Variants in CPEB3 observed in about 807,000 individuals in gnomAD.
The protein encoded by CPEB3 is cytoplasmic polyadenylation element-binding protein 3.
Under a neutral mutation model 67.2 loss-of-function variants are expected in CPEB3, and 20 were observed. The observed-to-expected ratio is 0.30, with a 90% CI of 0.21 to 0.43. The LOEUF is 0.43. CPEB3 is among the 20% of genes least tolerant of loss of function. CPEB3 has a pLI of 1.00. For synonymous variants in CPEB3, 376 were observed against 393.1 expected (o/e 0.96, Z 0.51); for missense variants, 746 against 968.6 (o/e 0.77, Z 3.05).
intron 9 of CPEB3, among the ~76,000 whole-genome samples, chr10:92,068,901 C>T (rs2134374656): frequency 6.6e-6 from 1 of 152,314 alleles, no homozygotes; most frequent in Non-Finnish European, 1.5e-5. Context: ...TCAGATGATA[C>T]TTGAACTCAC....
chr10:92,068,532 G>A (rs1842639407), intron 9 of CPEB3, among the ~76,000 whole-genome samples: 1 of 152,096 alleles, frequency 6.6e-6, no homozygotes, highest in Non-Finnish European at 1.5e-5. Flanking sequence ...TTCTAGAGTT[G>A]AATCTGAATG....
intron 6 of CPEB3, chr10:92,137,481 T>G: frequency 8.4e-7 from 1 of 1,193,598 alleles, no homozygotes; most frequent in Non-Finnish European, 1.2e-6. Context: ...CCCAGGTGGT[T>G]TTGCTATCAG....
chr10:92,264,239 A>G (rs1465772500), intron 1 of CPEB3, among the ~76,000 whole-genome samples: 2 of 151,976 alleles, frequency 1.3e-5, no homozygotes, highest in Admixed American at 1.3e-4. Flanking sequence ...GAGGTGGGAG[A>G]ATCACTTGAA....
At chr10:92,262,512 T>C (rs1330993218) in intron 1 of CPEB3, among the ~76,000 whole-genome samples, 2 of 152,102 alleles carry the variant, frequency 1.3e-5, no homozygotes, top group South Asian at 2.1e-4. Context: ...TGTTGGCAAG[T>C]AGAGAAGCCA....
Position 92,240,165 on chromosome 10 carries a change from G to A in CPEB3, c.186C>T (p.Pro62=), listed in dbSNP as rs971868850. 2.6e-6 allele frequency: 4 copies of A among 1,547,364 alleles called. No individual in the cohort carries two copies. Among genetic ancestry groups the A allele is most frequent in the Non-Finnish European group, 3.5e-6 (4 of 1,144,810 alleles). Residue 62 remains proline (P), a synonymous_variant, in exon 2 of 10, where the codon CCC becomes CCT. Transcript: ENST00000265997. ...AVPALSPAAA[P]PAPNGPDKMQ... is the part of the protein sequence containing the mutation. The stretch of plus-strand genomic sequence containing the variant: ...TCTTGTCCGGGCCGTTGGGGGCCGG[G>A]GGGGCAGCGGCTGGGCTGAGGGCCG...
At chr10:92,214,708 A>T (rs2134372542) in intron 2 of CPEB3, among the ~76,000 whole-genome samples, 1 of 151,628 alleles carries the variant, frequency 6.6e-6, no homozygotes, top group East Asian at 1.9e-4. Flanking sequence ...CTGGTCTCAA[A>T]CTCCTGACCT....
At chr10:92,227,672 G>A (rs1235667370) in intron 2 of CPEB3, among the ~76,000 whole-genome samples, 97 of 148,622 alleles carry the variant, frequency 6.5e-4, no homozygotes, top group Admixed American at 1.6e-3. Context: ...CTCACTGCAG[G>A]CTCCGCCCCC....
At chr10:92,126,718 CAA>C (rs1564801113) in intron 6 of CPEB3, among the ~76,000 whole-genome samples, 1 of 152,126 alleles carries the variant, frequency 6.6e-6, no homozygotes. Context: ...AGGAGCAAAA[CAA>C]ATAAAAATAA....
chr10:92,155,830 T>C (rs939118831), intron 4 of CPEB3, among the ~76,000 whole-genome samples: 4 of 151,996 alleles, frequency 2.6e-5, no homozygotes, highest in Admixed American at 6.6e-5. Context: ...ACCTCACAAA[T>C]AGATATGGAG....
chr10:92,143,641 G>A (rs940225981), intron 5 of CPEB3, among the ~76,000 whole-genome samples: 1 of 151,976 alleles, frequency 6.6e-6, no homozygotes, highest in Non-Finnish European at 1.5e-5. Flanking sequence ...TACATATTAC[G>A]TACCCTATAT....
intron 1 of CPEB3, among the ~76,000 whole-genome samples, chr10:92,265,685 G>T (rs959875783): frequency 6.6e-6 from 1 of 151,264 alleles, no homozygotes; most frequent in Non-Finnish European, 1.5e-5. Flanking sequence ...GGAGGCAGAA[G>T]GTGTAGTTAG....
intron 1 of CPEB3, among the ~76,000 whole-genome samples, chr10:92,255,230 C>T (rs541561878): frequency 1.8e-4 from 28 of 152,116 alleles, no homozygotes; most frequent in Non-Finnish European, 3.8e-4. Flanking sequence ...TGAGACCTAG[C>T]TCATTAATTT....
intron 2 of CPEB3, among the ~76,000 whole-genome samples, chr10:92,225,336 G>A (rs1460301694): frequency 6.6e-6 from 1 of 152,096 alleles, no homozygotes; most frequent in Non-Finnish European, 1.5e-5. Flanking sequence ...AAAGTATTAT[G>A]ATGCCCAACG....
intron 9 of CPEB3, among the ~76,000 whole-genome samples, chr10:92,058,552 A>AATACATACATAC (rs58987766): frequency 1.4e-3 from 191 of 138,686 alleles, no homozygotes; most frequent in African/African-American, 3.8e-3. Context: ...CCATCTCAAA[A>AATACATACATAC]ATACATACAT....
chr10:92,057,625 GT>G (rs1441804849), intron 9 of CPEB3, among the ~76,000 whole-genome samples: 1 of 152,234 alleles, frequency 6.6e-6, no homozygotes, highest in African/African-American at 2.4e-5. Context: ...CCAGGGCGTG[GT>G]TATGGCAGGT....
chr10:92,205,982 G>A (rs1322497817), intron 2 of CPEB3, among the ~76,000 whole-genome samples: 19 of 151,702 alleles, frequency 1.3e-4, no homozygotes, highest in Admixed American at 1.3e-3. Context: ...GTATTTAGAA[G>A]GTTAAAAAAT....
intron 5 of CPEB3, among the ~76,000 whole-genome samples, chr10:92,144,365 G>A (rs1482361255): frequency 1.3e-5 from 2 of 152,020 alleles, no homozygotes; most frequent in Non-Finnish European, 2.9e-5. Context: ...TCAAACTCCT[G>A]GGCTCAAGTG....
intron 4 of CPEB3, among the ~76,000 whole-genome samples, chr10:92,153,749 C>G (rs1364375283): frequency 1.3e-5 from 2 of 152,134 alleles, no homozygotes; most frequent in African/African-American, 4.8e-5. Flanking sequence ...CCACTGCACT[C>G]AAGCCTGGGC....
At chr10:92,087,554 G>A (rs1046970662) in intron 8 of CPEB3, among the ~76,000 whole-genome samples, 1 of 152,140 alleles carries the variant, frequency 6.6e-6, no homozygotes, top group African/African-American at 2.4e-5. Context: ...GGAATGAATG[G>A]ATCCAAAAGC....
Sources: allele counts gnomAD v4.1 joint callset (sites outside exome capture counted in the v4.1 genomes callset), GRCh38; gene constraint gnomAD v4.1.1; transcripts MANE v1.5; gene names NCBI Gene and HGNC (gene_info 2026-07-23, HGNC 2026-07-21).